Variants in C12orf75 observed in about 807,000 individuals in gnomAD.
C12orf75 encodes the protein overexpressed in colon carcinoma 1 protein.
Under a neutral mutation model 11.4 loss-of-function variants are expected in C12orf75, and 4 were observed. The observed-to-expected ratio is 0.35, with a 90% confidence interval of 0.17 to 0.80. The LOEUF (loss-of-function observed/expected upper bound fraction) is 0.80, where lower values mean the gene tolerates loss of function less well. Ranked by LOEUF, C12orf75 falls within the 30% of genes least tolerant of loss-of-function variation. The pLI is 0.52. For missense variants in C12orf75, 89 were observed against 80.4 expected (o/e 1.11, Z -0.41); for synonymous variants, 30 against 30.0 (o/e 1.00, Z 0.00).
chr12:105,370,565 C>T, intron 5 of C12orf75, 69 bp from the exon 6 acceptor site: 1 of 457,448 alleles, frequency 2.2e-6, no homozygotes, highest in South Asian at 1.5e-5. Flanking sequence ...AGGCTTAAGG[C>T]TAATACATTT....
At chr12:105,337,710 T>G (rs762972999) in intron 1 of C12orf75, among the ~76,000 whole-genome samples, 1 of 152,240 alleles carries the variant, frequency 6.6e-6, no homozygotes, top group Non-Finnish European at 1.5e-5. Context: ...GGAAATCTTG[T>G]AACCCCTGGT....
chr12:105,355,462 G>A lies in C12orf75; in HGVS notation c.71+6836G>A, dbSNP rs563253941. Among the ~76,000 whole-genome samples the A allele has an allele frequency of 6.6e-5, 10 of 152,264 alleles. No homozygotes were observed. In the South Asian group the frequency reaches 1.0e-3, roughly 16 times the overall value. On this transcript the variant is annotated intron_variant, in intron 2 of 5. Coordinates refer to ENST00000443585, the MANE Select transcript of C12orf75 (RefSeq NM_001145199.2). ...GGATTACAGGTGTGTGCCACTGCAC[G>A]TGGCCATTTTCATGGAGTTTTAAAT... is the stretch of plus-strand genomic sequence containing the variant.
In C12orf75 at chr12:105,370,863, T is replaced by C. The variant is rs188225928; in HGVS notation, c.*263T>C. ...ACCTACGAAAGACAAGTTAACAAAC[T>C]GTCATGGAGGCTGTTGTTGCCCAGC... On this transcript the variant is annotated 3_prime_UTR_variant, in exon 6 of 6. Coordinates refer to ENST00000443585, the MANE Select transcript of C12orf75 (RefSeq NM_001145199.2). 13 of 367,598 alleles carry C rather than the reference T, an allele frequency of 3.5e-5. No individual in the cohort carries two copies. The highest frequency in any genetic ancestry group is 3.4e-4 in the Admixed American group (11 of 32,234). 22.8% of individuals were successfully genotyped at this position (367,598 alleles called of 1,614,324 possible). A position where few individuals can be genotyped will look rare whatever the true frequency, so the allele number is the denominator to read the frequency against.
At chr12:105,343,654 T>C (rs760395359) in intron 1 of C12orf75, among the ~76,000 whole-genome samples, 1 of 152,250 alleles carries the variant, frequency 6.6e-6, no homozygotes, top group Non-Finnish European at 1.5e-5. Flanking sequence ...AATAAACTTA[T>C]GCTTTGCATT....
At chr12:105,353,113 C>G (rs1892735082) in intron 2 of C12orf75, among the ~76,000 whole-genome samples, 1 of 152,192 alleles carries the variant, frequency 6.6e-6, no homozygotes, top group African/African-American at 2.4e-5. Context: ...CCAGTTTAAA[C>G]TGGCCTAAAC....
chr12:105,338,451 G>A (rs1373619466), intron 1 of C12orf75, among the ~76,000 whole-genome samples: 1 of 152,210 alleles, frequency 6.6e-6, no homozygotes, highest in Non-Finnish European at 1.5e-5. Flanking sequence ...TGGGATTACA[G>A]GTGTGAGCCA....
chr12:105,360,830 C>T (rs1223893455), intron 2 of C12orf75, among the ~76,000 whole-genome samples: 1 of 152,028 alleles, frequency 6.6e-6, no homozygotes, highest in African/African-American at 2.4e-5. Flanking sequence ...GCCTGGAGTG[C>T]AATGGCGCGA....
chr12:105,347,190 G>A (rs1892650977), intron 1 of C12orf75, among the ~76,000 whole-genome samples: 1 of 152,260 alleles, frequency 6.6e-6, no homozygotes, highest in Non-Finnish European at 1.5e-5. Context: ...AAGTAATGGG[G>A]ATGGAGACCA....
intron 2 of C12orf75, among the ~76,000 whole-genome samples, chr12:105,359,098 A>G (rs1892824019): frequency 6.6e-6 from 1 of 152,148 alleles, no homozygotes; most frequent in African/African-American, 2.4e-5. Context: ...AATTTGGGCT[A>G]GTTTCTCTTC....
At chr12:105,346,541 C>A (rs1030664842) in intron 1 of C12orf75, among the ~76,000 whole-genome samples, 2 of 151,930 alleles carry the variant, frequency 1.3e-5, no homozygotes, top group African/African-American at 4.8e-5. Context: ...AGTTTAGGAT[C>A]TTTTGGTTTA....
chr12:105,341,120 A>T (rs1366111054), intron 1 of C12orf75, among the ~76,000 whole-genome samples: 1 of 152,236 alleles, frequency 6.6e-6, no homozygotes, highest in Non-Finnish European at 1.5e-5. Context: ...AATGAGACAA[A>T]ATCAGAATAT....
rs1401544479 is a variant in C12orf75, at chr12:105,352,543, GT to G, written c.71+3923del. ...GAACATTTTACACTTTTCTTCAAGT[GT>G]TTTTTGGTTGTTTCTGCCCAGTTGT... is the stretch of plus-strand genomic sequence containing the variant. On this transcript the variant is annotated intron_variant, in intron 2 of 5. Coordinates refer to ENST00000443585, the MANE Select transcript of C12orf75 (RefSeq NM_001145199.2). Among the ~76,000 whole-genome samples, 28 of 152,258 alleles carry G rather than the reference GT, an allele frequency of 1.8e-4. No individual in the cohort carries two copies. In the South Asian group the frequency reaches 5.2e-3, roughly 28 times the overall value.
intron 4 of C12orf75, among the ~76,000 whole-genome samples, 161 bp from the exon 5 acceptor site, chr12:105,367,311 A>G (rs1191743591): frequency 6.6e-6 from 1 of 152,208 alleles, no homozygotes; most frequent in East Asian, 1.9e-4. Context: ...GCTGTATTAC[A>G]TTATTTTGAA....
intron 1 of C12orf75, among the ~76,000 whole-genome samples, chr12:105,343,375 T>A (rs1892596930): frequency 6.6e-6 from 1 of 152,264 alleles, no homozygotes; most frequent in Non-Finnish European, 1.5e-5. Context: ...GGATGAATGA[T>A]GTATCCTTGT....
intron 1 of C12orf75, among the ~76,000 whole-genome samples, chr12:105,334,475 G>A (rs1187505976): frequency 2.0e-5 from 3 of 152,270 alleles, no homozygotes; most frequent in East Asian, 3.9e-4. Context: ...AAATGTGAGA[G>A]GCATTTTGAG....
chr12:105,331,278 C>T (rs966420337), intron 1 of C12orf75, among the ~76,000 whole-genome samples: 4 of 152,028 alleles, frequency 2.6e-5, no homozygotes, highest in African/African-American at 7.2e-5. Context: ...CCGGCCGCTC[C>T]CCCACCTCCC....
intron 1 of C12orf75, among the ~76,000 whole-genome samples, chr12:105,339,619 T>C (rs996253954): frequency 1.3e-5 from 2 of 152,074 alleles, no homozygotes; most frequent in Admixed American, 6.5e-5. Context: ...TCTTTCTTTC[T>C]TTCTTTCTTT....
chr12:105,335,993 C>A (rs551783820), intron 1 of C12orf75, among the ~76,000 whole-genome samples: 1 of 152,286 alleles, frequency 6.6e-6, no homozygotes, highest in South Asian at 2.1e-4. Context: ...GGGAAGCCTG[C>A]ATGGAGGAAG....
chr12:105,366,018 T>A (rs1300962297), intron 3 of C12orf75, 176 bp downstream of exon 3: 2 of 633,294 alleles, frequency 3.2e-6, no homozygotes, highest in East Asian at 5.5e-5. Context: ...TCATCATCTT[T>A]GCTCCTTCCA....
Sources: gnomAD v4.1 joint callset for allele counts (sites outside exome capture counted in the v4.1 genomes callset) on GRCh38, gnomAD v4.1.1 for gene constraint, MANE v1.5 for transcripts, NCBI Gene and HGNC (gene_info 2026-07-23, HGNC 2026-07-21) for gene names.